Variants in ZRANB3 observed in about 807,000 individuals in gnomAD.
ZRANB3 encodes DNA annealing helicase and endonuclease ZRANB3.
In ZRANB3, 125 loss-of-function variants were observed where a neutral mutation model predicts 133.8. The observed-to-expected ratio is 0.93, with a 90% CI of 0.81 to 1.08. ZRANB3 has a LOEUF of 1.08. Ranked by LOEUF, ZRANB3 falls within the 50% of genes least tolerant of loss-of-function variation. The pLI is 0.00. For synonymous variants in ZRANB3, 387 were observed against 432.7 expected (o/e 0.89, Z 1.31); for missense variants, 1,229 against 1,275.5 (o/e 0.96, Z 0.56).
chr2:135,511,520 CA>C, intron 1 of ZRANB3: 1 of 1,014,468 alleles, frequency 9.9e-7, no homozygotes, highest in Non-Finnish European at 1.6e-6. Flanking sequence ...GGCTCAGTGA[CA>C]AACCCACCAA....
chr2:135,387,653 T>C lies in ZRANB3; in HGVS notation c.180+3149A>G, dbSNP rs566248362. Among the ~76,000 whole-genome samples, 3 of 152,252 alleles carry C rather than the reference T, an allele frequency of 2.0e-5. No individual in the cohort carries two copies. In the East Asian group the frequency reaches 5.8e-4, roughly 29 times the overall value. On this transcript the variant is annotated intron_variant, in intron 3 of 20. Transcript: ENST00000264159. Reference sequence around the variant, plus strand: ...ACATCATAAACCCTGTCAAGTCAAATAGGTGTAAAATAATGGGTCTTCAAA... The same window carrying C: ...ACATCATAAACCCTGTCAAGTCAAACAGGTGTAAAATAATGGGTCTTCAAA...
chr2:135,245,132 A>C (rs1484682071), intron 12 of ZRANB3, among the ~76,000 whole-genome samples: 12 of 152,268 alleles, frequency 7.9e-5, no homozygotes, highest in Admixed American at 7.2e-4. Context: ...ATGATGGCTA[A>C]ACTGAACAAT....
chr2:135,230,698 G>A lies in ZRANB3; in HGVS notation c.1769C>T (p.Ser590Leu), dbSNP rs202027165. ...CTTGGACTGGGATGGTGTCTCTTCC[G>A]ACGGACTGCAGTGGTCTTCCGAGGC... ...LAASEDHCSP[S>L]EETPSQSKQI... is the part of the protein sequence containing the mutation. Residue 590 changes from serine to leucine, a missense_variant, in exon 13 of 21, where the codon TCG becomes TTG. Transcript: ENST00000264159. The A allele has an allele frequency of 4.3e-5, 70 of 1,612,816 alleles. No individual in the cohort carries two copies. Among genetic ancestry groups the A allele is most frequent in the South Asian group, 6.6e-5 (6 of 90,656 alleles).
Position 135,231,936 on chromosome 2 carries a change from C to T in ZRANB3, c.1540-1009G>A, listed in dbSNP as rs184527012. ...GTTCATCTCACTGGGGAGTGTCAGA[C>T]AGTGGGTGCAGGACAGTGGGTGCAG... is the stretch of plus-strand genomic sequence containing the variant. On this transcript the variant is annotated intron_variant, in intron 12 of 20. Transcript: ENST00000264159. Among the ~76,000 whole-genome samples, 249 of 152,244 alleles carry T rather than the reference C, an allele frequency of 1.6e-3. 1 individual carries two copies. The highest frequency in any genetic ancestry group is 5.8e-3 in the African/African-American group (239 of 41,542).
At position 135,484,766 on chromosome 2, in the gene ZRANB3, G is replaced by A. The variant is rs768871073; in HGVS notation, c.161+19563C>T. On this transcript the variant is annotated intron_variant, in intron 2 of 20. Transcript: ENST00000264159. ...AATAAATATTTTAAATATTACAGTG[G>A]CTCACACCTGTAATCCCAGCACTTT... is the stretch of plus-strand genomic sequence containing the variant. Among the ~76,000 whole-genome samples the A allele has an allele frequency of 4.6e-5, 7 of 151,252 alleles. No individual in the cohort carries two copies. In the East Asian group the frequency reaches 1.4e-3, roughly 29 times the overall value.
At chr2:135,506,207 G>A (rs1338278493) in intron 1 of ZRANB3, among the ~76,000 whole-genome samples, 1 of 151,986 alleles carries the variant, frequency 6.6e-6, no homozygotes. Flanking sequence ...CCTGGTCAAC[G>A]TGGCGAAACA....
At chr2:135,237,932 T>A (rs1218173503) in intron 12 of ZRANB3, among the ~76,000 whole-genome samples, 2 of 152,070 alleles carry the variant, frequency 1.3e-5, no homozygotes, top group Non-Finnish European at 2.9e-5. Flanking sequence ...CCTAAAAGTA[T>A]AACTAAAAAC....
chr2:135,386,978 C>A (rs6722967), intron 3 of ZRANB3, among the ~76,000 whole-genome samples: 10,356 of 148,628 alleles, frequency 0.07, 751 homozygotes, highest in African/African-American at 0.19. Context: ...TACCCTAGAT[C>A]TTAAAGAATT....
At chr2:135,310,303 G>A (rs1682912372) in intron 8 of ZRANB3, among the ~76,000 whole-genome samples, 1 of 151,552 alleles carries the variant, frequency 6.6e-6, no homozygotes, top group Non-Finnish European at 1.5e-5. Flanking sequence ...ATAGACCAAT[G>A]AATGAGAATA....
intron 17 of ZRANB3, 62 bp from the exon 18 acceptor site, chr2:135,209,040 G>A (rs1693996552): frequency 1.4e-6 from 2 of 1,450,862 alleles, no homozygotes; most frequent in Non-Finnish European, 1.9e-6. Context: ...TCTATTGCAT[G>A]TTTACATTGT....
chr2:135,403,410 G>A (rs1282868411), intron 2 of ZRANB3, among the ~76,000 whole-genome samples: 1 of 152,214 alleles, frequency 6.6e-6, no homozygotes, highest in Non-Finnish European at 1.5e-5. Context: ...TGGGGGAGAG[G>A]CGCCCGCCAT....
chr2:135,333,660 A>T (rs554748073), intron 6 of ZRANB3, among the ~76,000 whole-genome samples: 39 of 152,318 alleles, frequency 2.6e-4, no homozygotes, highest in African/African-American at 9.1e-4. Flanking sequence ...CAATTATTTA[A>T]TGGGTACAGA....
intron 2 of ZRANB3, among the ~76,000 whole-genome samples, chr2:135,448,258 C>T (rs896317604): frequency 3.9e-5 from 6 of 152,158 alleles, no homozygotes; most frequent in Non-Finnish European, 5.9e-5. Flanking sequence ...AGATTTCCTG[C>T]GCTCTCAGCT....
At chr2:135,349,451 G>A (rs1282579531) in intron 5 of ZRANB3, among the ~76,000 whole-genome samples, 1 of 152,180 alleles carries the variant, frequency 6.6e-6, no homozygotes. Context: ...ATCTCTTAGA[G>A]TAGCAAAAGC....
intron 11 of ZRANB3, among the ~76,000 whole-genome samples, chr2:135,268,269 A>G (rs1227429979): frequency 2.6e-5 from 4 of 152,156 alleles, no homozygotes; most frequent in African/African-American, 4.8e-5. Context: ...GCTTCAGGCA[A>G]TTCTCCTGCC....
intron 2 of ZRANB3, among the ~76,000 whole-genome samples, chr2:135,450,027 C>G (rs1435153245): frequency 1.3e-5 from 2 of 152,168 alleles, no homozygotes; most frequent in African/African-American, 4.8e-5. Flanking sequence ...CAGGCATTAG[C>G]CATGGCACCT....
intron 2 of ZRANB3, among the ~76,000 whole-genome samples, chr2:135,420,312 A>C (rs1688786350): frequency 6.6e-6 from 1 of 151,710 alleles, no homozygotes; most frequent in Non-Finnish European, 1.5e-5. Flanking sequence ...AAAACTGATA[A>C]ATAAAGGCCA....
At chr2:135,450,818 T>C (rs1690235174) in intron 2 of ZRANB3, among the ~76,000 whole-genome samples, 1 of 151,842 alleles carries the variant, frequency 6.6e-6, no homozygotes, top group Admixed American at 6.6e-5. Context: ...TCTCTGTGAG[T>C]TGAAGAGGGG....
intron 2 of ZRANB3, among the ~76,000 whole-genome samples, chr2:135,419,236 CT>C (rs1303805869): frequency 4.0e-5 from 6 of 150,740 alleles, no homozygotes; most frequent in African/African-American, 7.3e-5. Flanking sequence ...CGCACCTAGG[CT>C]TTTTTTTTCT....
Sources: gnomAD v4.1 joint callset for allele counts (sites outside exome capture counted in the v4.1 genomes callset) on GRCh38, gnomAD v4.1.1 for gene constraint, MANE v1.5 for transcripts, NCBI Gene and HGNC (gene_info 2026-07-23, HGNC 2026-07-21) for gene names.